Variants in MLLT3 observed in about 807,000 individuals in gnomAD.
The protein encoded by MLLT3 is MLLT3 super elongation complex subunit.
Under a neutral mutation model 53.2 loss-of-function variants are expected in MLLT3, and 4 were observed. That is an observed-to-expected ratio of 0.08 (90% confidence interval 0.04 to 0.17). The LOEUF is 0.17. Among genes scored for constraint, MLLT3 ranks in the 10% least tolerant of loss-of-function variants. The pLI is 1.00. For synonymous variants in MLLT3, 283 were observed against 230.6 expected (o/e 1.23, Z -2.06); for missense variants, 569 against 684.0 (o/e 0.83, Z 1.87).
At chr9:20,604,771 T>C (rs552711713) in intron 2 of MLLT3, among the ~76,000 whole-genome samples, 3 of 152,236 alleles carry the variant, frequency 2.0e-5, no homozygotes, top group Non-Finnish European at 4.4e-5. Context: ...AACCAGATCG[T>C]TTCTATTTCA....
intron 4 of MLLT3, among the ~76,000 whole-genome samples, chr9:20,445,213 CTGTATT>C (rs1477018419): frequency 6.6e-6 from 1 of 152,128 alleles, no homozygotes; most frequent in Non-Finnish European, 1.5e-5. Context: ...GTAAATCACT[CTGTATT>C]CAATACTCTC....
intron 4 of MLLT3, among the ~76,000 whole-genome samples, chr9:20,438,977 T>C (rs1187348661): frequency 1.3e-5 from 2 of 152,158 alleles, no homozygotes; most frequent in South Asian, 4.1e-4. Context: ...AGGCCCACAA[T>C]GTACCCTATA....
At chr9:20,534,629 C>G (rs949599063) in intron 2 of MLLT3, among the ~76,000 whole-genome samples, 1 of 152,180 alleles carries the variant, frequency 6.6e-6, no homozygotes, top group African/African-American at 2.4e-5. Flanking sequence ...TGGCTCACAC[C>G]TGTAATCCCA....
chr9:20,554,810 C>T (rs1490917075), intron 2 of MLLT3, among the ~76,000 whole-genome samples: 1 of 152,118 alleles, frequency 6.6e-6, no homozygotes, highest in African/African-American at 2.4e-5. Context: ...TGACCATTTG[C>T]TCTTGTACTT....
At chr9:20,383,575 C>T (rs567697428) in intron 5 of MLLT3, among the ~76,000 whole-genome samples, 7 of 151,658 alleles carry the variant, frequency 4.6e-5, no homozygotes, top group Non-Finnish European at 7.4e-5. Flanking sequence ...ATGTTGACAA[C>T]GCAAAGCAGT....
intron 2 of MLLT3, among the ~76,000 whole-genome samples, chr9:20,525,698 G>A (rs1011754695): frequency 1.3e-5 from 2 of 152,136 alleles, no homozygotes; most frequent in African/African-American, 2.4e-5. Flanking sequence ...TGAGCACACA[G>A]GCTTCTCCAT....
chr9:20,453,855 C>T (rs1368629467), intron 3 of MLLT3, among the ~76,000 whole-genome samples: 1 of 152,164 alleles, frequency 6.6e-6, no homozygotes, highest in Non-Finnish European at 1.5e-5. Context: ...TATTAATCCA[C>T]ATCTCTACAT....
intron 2 of MLLT3, among the ~76,000 whole-genome samples, chr9:20,521,505 T>G (rs976535364): frequency 6.6e-6 from 1 of 151,872 alleles, no homozygotes; most frequent in Non-Finnish European, 1.5e-5. Context: ...AAAATGGATG[T>G]GAAATGAGTT....
chr9:20,473,149 GAGATCTTCTC>G (rs1405046424), intron 2 of MLLT3, among the ~76,000 whole-genome samples: 1 of 152,106 alleles, frequency 6.6e-6, no homozygotes, highest in Admixed American at 6.6e-5. Context: ...CACTGCACTA[GAGATCTTCTC>G]ATATACTCAC....
chr9:20,373,496 C>G (rs1030235675), intron 5 of MLLT3, among the ~76,000 whole-genome samples: 1 of 152,176 alleles, frequency 6.6e-6, no homozygotes, highest in African/African-American at 2.4e-5. Flanking sequence ...TGATCCTGTA[C>G]TAAGAGCATA....
intron 2 of MLLT3, among the ~76,000 whole-genome samples, chr9:20,538,291 A>G (rs1242662935): frequency 1.3e-5 from 2 of 152,220 alleles, no homozygotes; most frequent in Non-Finnish European, 2.9e-5. Context: ...GTAGTTTCTA[A>G]CATTATCTTC....
rs759238001 is a variant in MLLT3, at chr9:20,363,526, A to G, written c.1281T>C (p.Asn427=). The change falls in exon 7 of 11, where the codon AAT becomes AAC. Residue 427 remains asparagine, a synonymous_variant. Transcript: ENST00000380338. ...EESDEVEDND[N]DSEMERPVNR... ...TTACAGGCCTCTCCATTTCAGAGTC[A>G]TTGTCGTTATCCTCCACTTCATCTG... is the stretch of plus-strand genomic sequence containing the variant. The G allele has an allele frequency of 6.2e-7, 1 of 1,614,144 alleles. No individual in the cohort carries two copies. The highest frequency in any genetic ancestry group is 1.7e-5 in the Admixed American group (1 of 60,028).
At chr9:20,500,757 C>G (rs1825202478) in intron 2 of MLLT3, among the ~76,000 whole-genome samples, 1 of 152,166 alleles carries the variant, frequency 6.6e-6, no homozygotes, top group Admixed American at 6.5e-5. Context: ...CTTTGGTCCT[C>G]CAGGTGTTCT....
In MLLT3 at chr9:20,363,583, T is replaced by C. The variant is rs1384514827; in HGVS notation, c.1224A>G (p.Lys408=). 1.1e-5 allele frequency: 18 copies of C among 1,613,830 alleles called. No homozygotes were observed. The highest frequency in any genetic ancestry group is 1.4e-5 in the Non-Finnish European group (17 of 1,179,972). ...CCTCATTGTCATCAGAATGCAGATC[T>C]TTCATTATAGACCTCAAAGGACCTG... ...RQQGPLRSIM[K]DLHSDDNEEE... Residue 408 remains lysine (K), a synonymous_variant, in exon 7 of 11, where the codon AAA becomes AAG. Transcript: ENST00000380338.
chr9:20,601,010 G>C (rs1400259985), intron 2 of MLLT3, among the ~76,000 whole-genome samples: 1 of 152,174 alleles, frequency 6.6e-6, no homozygotes, highest in East Asian at 1.9e-4. Flanking sequence ...TAAAAAAAAA[G>C]TGTAGTCAAT....
intron 2 of MLLT3, among the ~76,000 whole-genome samples, chr9:20,478,122 T>A (rs1173859318): frequency 6.6e-6 from 1 of 151,594 alleles, no homozygotes; most frequent in Non-Finnish European, 1.5e-5. Context: ...GACAAGAACT[T>A]GGGTAGATCC....
intron 2 of MLLT3, among the ~76,000 whole-genome samples, chr9:20,545,745 C>A (rs1188967772): frequency 6.6e-6 from 1 of 151,292 alleles, no homozygotes; most frequent in African/African-American, 2.4e-5. Context: ...GGGACCAGGT[C>A]CAGTGGCTCA....
intron 4 of MLLT3, among the ~76,000 whole-genome samples, chr9:20,428,319 A>C (rs1035626412): frequency 2.0e-5 from 3 of 152,092 alleles, no homozygotes; most frequent in Non-Finnish European, 2.9e-5. Context: ...TTAGTAAAAG[A>C]ACATCCACAG....
intron 2 of MLLT3, among the ~76,000 whole-genome samples, chr9:20,617,403 A>C (rs551403838): frequency 1.1e-4 from 16 of 152,206 alleles, no homozygotes; most frequent in Non-Finnish European, 1.9e-4. Context: ...ACAAATAAAA[A>C]GCTATCAAAT....
Sources: gnomAD v4.1 joint callset for allele counts (sites outside exome capture counted in the v4.1 genomes callset) on GRCh38, gnomAD v4.1.1 for gene constraint, MANE v1.5 for transcripts, NCBI Gene and HGNC (gene_info 2026-07-23, HGNC 2026-07-21) for gene names.